TENM1: variants seen among roughly 807,000 people sequenced by gnomAD.
TENM1 encodes the protein teneurin-1.
TENM1 carries 35 observed loss-of-function variants against 174.8 expected under a neutral mutation model. That is an observed-to-expected ratio of 0.20 (90% CI 0.15 to 0.27). The LOEUF (loss-of-function observed/expected upper bound fraction) is 0.27. Among genes scored for constraint, TENM1 ranks in the 10% least tolerant of loss-of-function variants. TENM1 has a pLI of 1.00. For synonymous variants in TENM1, 781 were observed against 798.7 expected, an observed-to-expected ratio of 0.98 and a Z score of 0.37; for missense variants, 1,633 against 2,130.1, an observed-to-expected ratio of 0.77 and a Z score of 4.59.
chrX:124,434,356 C>T (rs776559715), intron 23 of TENM1, among the ~76,000 whole-genome samples: 10 of 111,382 alleles, frequency 9.0e-5, no homozygotes, highest in African/African-American at 3.3e-4. Flanking sequence ...GCATATATTC[C>T]TCCTAAGATA....
At chrX:124,477,334 G>C (rs2046748825) in intron 22 of TENM1, among the ~76,000 whole-genome samples, 1 of 112,303 alleles carries the variant, frequency 8.9e-6, no homozygotes, top group African/African-American at 3.2e-5. Context: ...CTGAGAAATG[G>C]TTTTAATAGG....
chrX:124,572,999 A>T (rs1425268297), intron 11 of TENM1, among the ~76,000 whole-genome samples: 1 of 111,561 alleles, frequency 9.0e-6, no homozygotes, highest in Non-Finnish European at 1.9e-5. Flanking sequence ...TTGAAACATG[A>T]TCCTAAAATC....
chrX:124,956,654 T>G (rs891738919), intron 1 of TENM1, among the ~76,000 whole-genome samples: 3 of 112,665 alleles, frequency 2.7e-5, no homozygotes, highest in Non-Finnish European at 5.6e-5. Flanking sequence ...GGCTAATTTC[T>G]CTTACAGTCT....
rs560218509 is a variant in TENM1, at chrX:124,688,050, C to T, written c.1016-16215G>A. Reference sequence around the variant, plus strand: ...GATTCCTCTCCACTCCTCTCCTCTCCTCTCTTCTCTTCTCATAGCATGCTG... The same window carrying T: ...GATTCCTCTCCACTCCTCTCCTCTCTTCTCTTCTCTTCTCATAGCATGCTG... On this transcript the variant is annotated intron_variant, in intron 5 of 31. Coordinates refer to ENST00000422452, the Ensembl canonical transcript of TENM1. Among the ~76,000 whole-genome samples the T allele has an allele frequency of 9.2e-5, 10 of 108,205 alleles. No individual in the cohort carries two copies. The South Asian group carries it at 3.8e-3, about 41-fold the overall frequency. 94.0% of individuals were successfully genotyped at this position (108,205 alleles called of 115,157 possible).
chrX:124,941,596 A>G (rs939340304), intron 1 of TENM1, among the ~76,000 whole-genome samples: 2 of 112,004 alleles, frequency 1.8e-5, no homozygotes, highest in African/African-American at 3.2e-5. Flanking sequence ...TGTATATCTA[A>G]CTTCAAATTA....
At chrX:124,968,165 A>T (rs942831211), upstream of TENM1, among the ~76,000 whole-genome samples, 3 of 111,710 alleles carry the variant, frequency 2.7e-5, no homozygotes, top group East Asian at 8.4e-4. Flanking sequence ...ACACCAAAAA[A>T]TTAAATCTAT....
exon 18 of TENM1, chrX:124,520,649 G>A: frequency 8.3e-7 from 1 of 1,211,553 alleles, no homozygotes. Context: ...ACTGTGAGGT[G>A]TACTTTTATC....
At chrX:124,922,240 G>T (rs1205985679) in intron 1 of TENM1, among the ~76,000 whole-genome samples, 1 of 111,252 alleles carries the variant, frequency 9.0e-6, no homozygotes, top group East Asian at 2.8e-4. Flanking sequence ...CTATTCCACT[G>T]TCTTCTAGCT....
chrX:124,769,217 A>T (rs2054599266), intron 3 of TENM1, among the ~76,000 whole-genome samples: 1 of 111,918 alleles, frequency 8.9e-6, no homozygotes, highest in Non-Finnish European at 1.9e-5. Context: ...TCAAGATGCT[A>T]TAATTATTAT....
the TENM1 span, among the ~76,000 whole-genome samples, chrX:125,006,232 A>G: frequency 2.7e-5 from 3 of 111,850 alleles, no homozygotes; most frequent in Non-Finnish European, 5.7e-5. Context: ...TTCCCCTGAC[A>G]GTGCTAAGGA....
intron 11 of TENM1, among the ~76,000 whole-genome samples, chrX:124,635,320 T>C (rs897399933): frequency 1.8e-5 from 2 of 112,406 alleles, no homozygotes; most frequent in African/African-American, 6.5e-5. Flanking sequence ...GGTGGACACA[T>C]GTCATAGGAT....
At chrX:124,739,598 G>A (rs1430258979) in intron 3 of TENM1, among the ~76,000 whole-genome samples, 2 of 111,739 alleles carry the variant, frequency 1.8e-5, no homozygotes, top group East Asian at 5.6e-4. Context: ...ACTCTGCCCA[G>A]CACTCTTTCC....
At chrX:125,042,934 C>T in the TENM1 span, among the ~76,000 whole-genome samples, 1 of 111,255 alleles carries the variant, frequency 9.0e-6, no homozygotes, top group African/African-American at 3.3e-5. Context: ...GTACACTATG[C>T]AAGTTAATTG....
At chrX:124,824,441 G>C (rs753853287) in intron 3 of TENM1, among the ~76,000 whole-genome samples, 2 of 111,601 alleles carry the variant, frequency 1.8e-5, no homozygotes, top group South Asian at 7.5e-4. Flanking sequence ...CACTAAGTGT[G>C]GTTAGTAGCC....
intron 16 of TENM1, among the ~76,000 whole-genome samples, chrX:124,528,919 A>G (rs1476092267): frequency 1.8e-5 from 2 of 111,646 alleles, no homozygotes; most frequent in African/African-American, 3.3e-5. Context: ...AGGCTCTTGG[A>G]AAAATAAATC....
intron 1 of TENM1, among the ~76,000 whole-genome samples, chrX:124,897,200 G>T (rs1178250786): frequency 1.8e-5 from 2 of 111,399 alleles, no homozygotes; most frequent in Non-Finnish European, 3.8e-5. Flanking sequence ...GTTATAGCAA[G>T]GTGTCAAAAA....
chrX:124,805,684 A>G (rs990726832), intron 3 of TENM1, among the ~76,000 whole-genome samples: 3 of 112,112 alleles, frequency 2.7e-5, no homozygotes, highest in Non-Finnish European at 3.8e-5. Context: ...ACTGCCCCCA[A>G]CTCAGCCACA....
chrX:125,060,075 G>C, the TENM1 span, among the ~76,000 whole-genome samples: 1 of 108,429 alleles, frequency 9.2e-6, no homozygotes, highest in Admixed American at 1.0e-4. Context: ...TCTCCAGCCT[G>C]CTGGTTTCCA....
intron 3 of TENM1, among the ~76,000 whole-genome samples, chrX:124,758,053 G>T (rs900527042): frequency 1.6e-4 from 18 of 111,796 alleles, no homozygotes; most frequent in African/African-American, 5.9e-4. Context: ...ACAATCAAAA[G>T]AGTGAAAAGA....
Sources: gnomAD v4.1 joint callset for allele counts (sites outside exome capture counted in the v4.1 genomes callset) on GRCh38, gnomAD v4.1.1 for gene constraint, MANE v1.5 for transcripts, NCBI Gene and HGNC (gene_info 2026-07-23, HGNC 2026-07-21) for gene names.